Variants in CAPS2 observed in about 807,000 individuals in gnomAD.
CAPS2 encodes the protein calcyphosin-2.
In CAPS2, 98 loss-of-function variants were observed where a neutral mutation model predicts 86.5. The observed-to-expected ratio is 1.13, with a 90% CI of 0.96 to 1.34. The LOEUF is 1.34. Ranked by LOEUF, CAPS2 falls within the 40% of genes most tolerant of loss-of-function variation. CAPS2 has a pLI of 0.00. For missense variants in CAPS2, 729 were observed against 686.8 expected, an observed-to-expected ratio of 1.06 and a Z score of -0.69; for synonymous variants, 210 against 225.1, an observed-to-expected ratio of 0.93 and a Z score of 0.60.
upstream of CAPS2, among the ~76,000 whole-genome samples, chr12:75,333,160 T>C (rs112661164): frequency 0.011 from 1,639 of 152,266 alleles, 20 homozygotes; most frequent in African/African-American, 0.032. Context: ...AAAGTTCTCT[T>C]TCTCTTTGTA....
upstream of CAPS2, among the ~76,000 whole-genome samples, chr12:75,327,140 C>T (rs989244794): frequency 1.3e-5 from 2 of 152,056 alleles, no homozygotes; most frequent in Non-Finnish European, 2.9e-5. Flanking sequence ...TGTTTTAAAC[C>T]ACTAAGTTTA....
chr12:75,294,668 G>A (rs995598737), intron 11 of CAPS2, among the ~76,000 whole-genome samples: 2 of 152,098 alleles, frequency 1.3e-5, no homozygotes, highest in Admixed American at 6.6e-5. Flanking sequence ...TAATTACCAG[G>A]TCAATCTAGG....
intron 1 of CAPS2, among the ~76,000 whole-genome samples, chr12:75,378,613 T>C (rs1399207892): frequency 6.6e-6 from 1 of 152,238 alleles, no homozygotes; most frequent in Non-Finnish European, 1.5e-5. Flanking sequence ...TGTTGCAGTC[T>C]GGAGGCAGGA....
chr12:75,357,940 T>A, intron 1 of CAPS2, among the ~76,000 whole-genome samples: 1 of 142,652 alleles, frequency 7.0e-6, no homozygotes, highest in African/African-American at 2.6e-5. Flanking sequence ...CCTAAGAAAC[T>A]AGGGGACAAA....
At position 75,386,271 on chromosome 12, in the gene CAPS2, G is replaced by A. The variant is rs947489215; in HGVS notation, c.-395+4567C>T. The stretch of plus-strand genomic sequence containing the variant: ...ACATTAAGACTTACTATAAGGGTAC[G>A]TGTCTCAGTCTGTTTTGTGCTGCTA... On this transcript the variant is annotated intron_variant, in intron 1 of 5. Coordinates refer to the CAPS2 transcript ENST00000551829. 2.0e-5 allele frequency among the ~76,000 whole-genome samples: 3 copies of A among 152,176 alleles called. No homozygotes were observed. The South Asian group carries it at 6.2e-4, about 32-fold the overall frequency.
intron 1 of CAPS2, chr12:75,373,488 T>C (rs2044484670): frequency 6.6e-6 from 1 of 152,202 alleles, no homozygotes; most frequent in Non-Finnish European, 1.5e-5. Context: ...AACCACTCGC[T>C]ACAGCCCATG....
exon 17 of CAPS2, chr12:75,277,829 G>A: frequency 1.1e-6 from 1 of 902,544 alleles, no homozygotes; most frequent in Non-Finnish European, 1.3e-6. Context: ...TCATAAAGTT[G>A]TCTCTTTTCT....
At chr12:75,343,760 A>C in intron 1 of CAPS2, 3 of 1,612,666 alleles carry the variant, frequency 1.9e-6, no homozygotes, top group Non-Finnish European at 2.5e-6. Flanking sequence ...GAACATAATG[A>C]CTGTTTGGAT....
At chr12:75,382,794 A>G (rs958114650) in intron 1 of CAPS2, among the ~76,000 whole-genome samples, 5 of 152,246 alleles carry the variant, frequency 3.3e-5, no homozygotes, top group African/African-American at 7.2e-5. Context: ...AATTAAAGCT[A>G]TATCTGTTAT....
chr12:75,280,525 T>C (rs535577985), intron 16 of CAPS2, among the ~76,000 whole-genome samples: 1 of 151,896 alleles, frequency 6.6e-6, no homozygotes, highest in South Asian at 2.1e-4. Flanking sequence ...TGAAGCTATT[T>C]TAGCAACCTA....
chr12:75,300,524 C>G lies in CAPS2; in HGVS notation c.780-613G>C, dbSNP rs1030334647. Among the ~76,000 whole-genome samples, 12 of 136,100 alleles carry G rather than the reference C, an allele frequency of 8.8e-5. 1 individual carries two copies. In the South Asian group the frequency reaches 2.6e-3, roughly 29 times the overall value. The allele number at this position is 136,100 out of a possible 152,430, so 89.3% of individuals were successfully genotyped here. Reference sequence around the variant, plus strand: ...TGAGCCGAGATCGCGCCACTGCACTCCAGCCTGGGCGACAGAGCCAGACTC... The same window carrying G: ...TGAGCCGAGATCGCGCCACTGCACTGCAGCCTGGGCGACAGAGCCAGACTC... On this transcript the variant is annotated intron_variant, in intron 8 of 16. Coordinates refer to ENST00000393284, the Ensembl canonical transcript of CAPS2.
At chr12:75,376,858 AAGACTCTCAC>A (rs1441285435) in intron 1 of CAPS2, among the ~76,000 whole-genome samples, 1 of 152,098 alleles carries the variant, frequency 6.6e-6, no homozygotes, top group Non-Finnish European at 1.5e-5. Flanking sequence ...TTCAGGAGTT[AAGACTCTCAC>A]TCAGGGCAAT....
intron 5 of CAPS2, among the ~76,000 whole-genome samples, chr12:75,318,761 G>A (rs1162311416): frequency 2.0e-5 from 3 of 151,408 alleles, no homozygotes; most frequent in Admixed American, 6.6e-5. Context: ...TCATTCCATT[G>A]ATTGATTTTT....
At chr12:75,357,968 T>C (rs2043261358) in intron 1 of CAPS2, among the ~76,000 whole-genome samples, 1 of 141,280 alleles carries the variant, frequency 7.1e-6, no homozygotes, top group African/African-American at 2.6e-5. Flanking sequence ...AAAGTAAATC[T>C]AAAGTAAAAA....
At chr12:75,379,978 G>A (rs2044870840) in intron 1 of CAPS2, among the ~76,000 whole-genome samples, 1 of 151,718 alleles carries the variant, frequency 6.6e-6, no homozygotes, top group Non-Finnish European at 1.5e-5. Flanking sequence ...AAATGTGGAA[G>A]TGGTAACCCT....
chr12:75,303,089 A>T (rs182272580), intron 8 of CAPS2, among the ~76,000 whole-genome samples: 1 of 152,372 alleles, frequency 6.6e-6, no homozygotes, highest in East Asian at 1.9e-4. Flanking sequence ...TCATAGCAGC[A>T]CTATTCACAA....
chr12:75,278,854 A>G (rs2033350469), exon 17 of CAPS2: 1 of 1,423,422 alleles, frequency 7.0e-7, no homozygotes, highest in Non-Finnish European at 9.2e-7. Flanking sequence ...TCTCCAATAA[A>G]ATGCTTAGTG....
At chr12:75,284,992 A>C (rs2034612609) in exon 15 of CAPS2, 2 of 1,608,440 alleles carry the variant, frequency 1.2e-6, no homozygotes, top group Non-Finnish European at 1.7e-6. Context: ...GTATTCATTC[A>C]TTTCACCAAT....
At chr12:75,328,794 A>G (rs1034244986), upstream of CAPS2, among the ~76,000 whole-genome samples, 4 of 152,222 alleles carry the variant, frequency 2.6e-5, no homozygotes, top group East Asian at 1.9e-4. Flanking sequence ...AAAGCCCACA[A>G]TGTAGTAGGA....
Sources: allele counts gnomAD v4.1 joint callset (sites outside exome capture counted in the v4.1 genomes callset), GRCh38; gene constraint gnomAD v4.1.1; transcripts MANE v1.5; gene names NCBI Gene and HGNC (gene_info 2026-07-23, HGNC 2026-07-21).